USP46: variants seen among roughly 807,000 people sequenced by gnomAD.
The protein encoded by USP46 is ubiquitin specific peptidase 46.
In USP46, 12 loss-of-function variants were observed where a neutral mutation model predicts 44.4. The ratio of observed to expected loss-of-function variants is 0.27; its 90% CI spans 0.17 to 0.44. The LOEUF (loss-of-function observed/expected upper bound fraction) is 0.44, where lower values mean the gene tolerates loss of function less well. Ranked by LOEUF, USP46 falls within the 20% of genes least tolerant of loss-of-function variation. USP46 has a pLI of 1.00. For synonymous variants in USP46, 155 were observed against 161.5 expected, an observed-to-expected ratio of 0.96 and a Z score of 0.31; for missense variants, 248 against 444.8, an observed-to-expected ratio of 0.56 and a Z score of 3.98.
Position 52,632,990 on chromosome 4 carries a change from A to AAAGAAAG in USP46, c.37-1847_37-1846insCTTTCTT. 1.4e-3 allele frequency among the ~76,000 whole-genome samples: 95 copies of AAAGAAAG among 66,174 alleles called. 1 individual carries two copies. Among genetic ancestry groups the AAAGAAAG allele is most frequent in the Middle Eastern group, 8.3e-3 (1 of 120 alleles). 43.4% of individuals were successfully genotyped at this position (66,174 alleles called of 152,430 possible). A position where few individuals can be genotyped will look rare whatever the true frequency, so the allele number is the denominator to read the frequency against. ...AAAGAAAGAAAGAAAGAAAGAAAAG[A>AAAGAAAG]AAAGAAAGAAAGAAAGAAAGAAAGA... On this transcript the variant is annotated intron_variant, in intron 1 of 8. Coordinates refer to ENST00000441222, the MANE Select transcript of USP46 (RefSeq NM_022832.4).
chr4:52,613,651 G>A (rs1045437805), intron 4 of USP46, among the ~76,000 whole-genome samples: 3 of 151,588 alleles, frequency 2.0e-5, no homozygotes, highest in African/African-American at 7.3e-5. Context: ...GAACCCAGGA[G>A]GCGGAGGTTG....
At chr4:52,616,573 A>G (rs548522043) in intron 4 of USP46, among the ~76,000 whole-genome samples, 2 of 152,244 alleles carry the variant, frequency 1.3e-5, no homozygotes, top group Admixed American at 1.3e-4. Flanking sequence ...GGGTTTCACC[A>G]TGTTGGCTAG....
intron 5 of USP46, among the ~76,000 whole-genome samples, chr4:52,606,899 A>G (rs111816532): frequency 6.6e-6 from 1 of 152,340 alleles, no homozygotes; most frequent in African/African-American, 2.4e-5. Flanking sequence ...ACTCATACTT[A>G]GCTGAATGAA....
In USP46 at chr4:52,597,487, A is replaced by G. The variant is rs190500234; in HGVS notation, c.*153T>C. On this transcript the variant is annotated 3_prime_UTR_variant, in exon 9 of 9. Coordinates refer to ENST00000441222, the MANE Select transcript of USP46 (RefSeq NM_022832.4). ...AACCAAGAGTAGTGCTGCATGTAAA[A>G]ACACAAAAGGAGAGAGTCTAACACA... 4.0e-5 allele frequency: 25 copies of G among 617,946 alleles called. No homozygotes were observed. The highest frequency in any genetic ancestry group is 4.0e-4 in the African/African-American group (21 of 52,872). 38.3% of individuals were successfully genotyped at this position (617,946 alleles called of 1,614,324 possible).
In USP46 at chr4:52,610,044, G is replaced by T. The variant is rs1577665158; in HGVS notation, c.638+497C>A. Among the ~76,000 whole-genome samples, 3 of 146,008 alleles carry T rather than the reference G, an allele frequency of 2.1e-5. No individual in the cohort carries two copies. In the East Asian group the frequency reaches 6.1e-4, roughly 30 times the overall value. ...GGGTTCACGCCATTCTCCTGCCTCA[G>T]CCTCCCGTGTAGCTGGGACTACAGG... is the stretch of plus-strand genomic sequence containing the variant. On this transcript the variant is annotated intron_variant, in intron 5 of 8. Transcript: ENST00000441222.
chr4:52,611,402 C>G (rs1716929721), intron 4 of USP46, among the ~76,000 whole-genome samples: 1 of 152,208 alleles, frequency 6.6e-6, no homozygotes, highest in Non-Finnish European at 1.5e-5. Context: ...CACTGACAAC[C>G]CTGGGGTTTT....
At chr4:52,641,200 T>C (rs1160440729) in intron 1 of USP46, among the ~76,000 whole-genome samples, 2 of 152,160 alleles carry the variant, frequency 1.3e-5, no homozygotes, top group African/African-American at 2.4e-5. Flanking sequence ...TATGACCAGA[T>C]GGTGAACAAA....
intron 2 of USP46, chr4:52,628,400 T>C (rs1717680012): frequency 4.3e-6 from 2 of 466,094 alleles, no homozygotes; most frequent in African/African-American, 3.8e-5. Flanking sequence ...CCCATCAAAG[T>C]CTCTAAAATG....
rs1005397358 is a variant in USP46, at chr4:52,604,590, G to A, written c.639-6C>T. 3 of 1,581,810 alleles carry A rather than the reference G, an allele frequency of 1.9e-6. No homozygotes were observed. The highest frequency in any genetic ancestry group is 2.7e-5 in the African/African-American group (2 of 73,160). On this transcript the variant is annotated splice_region_variant and splice_polypyrimidine_tract_variant and intron_variant, in intron 5 of 8. Transcript: ENST00000441222. ...TTTCTGTGTTGCTGAAGTCTCTGTAGAGGAAAATATTTCCATCTTTAAAAA... is the reference window on the plus strand; with the variant it reads ...TTTCTGTGTTGCTGAAGTCTCTGTAAAGGAAAATATTTCCATCTTTAAAAA...
intron 5 of USP46, among the ~76,000 whole-genome samples, chr4:52,606,094 T>C (rs776145827): frequency 1.4e-4 from 22 of 152,248 alleles, no homozygotes; most frequent in Non-Finnish European, 3.1e-4. Flanking sequence ...GGCAGTGCAC[T>C]TGTCATTCCT....
chr4:52,610,688 G>C (rs758692041), intron 4 of USP46, 71 bp from the exon 5 acceptor site: 188 of 1,413,072 alleles, frequency 1.3e-4, no homozygotes, highest in Non-Finnish European at 1.7e-4. Flanking sequence ...ACATGTATAG[G>C]TAATCACCGA....
At position 52,593,357 on chromosome 4, in the gene USP46, G is replaced by A. The variant is rs1716104629; in HGVS notation, c.*4283C>T. On this transcript the variant is annotated 3_prime_UTR_variant, in exon 9 of 9. Transcript: ENST00000441222. Reference sequence around the variant, plus strand: ...GCAGACAGAAGTGACCTTCCCAACAGTCTCTGTTCCAGCTCAGTCAGGTTC... The same window carrying A: ...GCAGACAGAAGTGACCTTCCCAACAATCTCTGTTCCAGCTCAGTCAGGTTC... 6.3e-6 allele frequency: 1 copy of A among 157,816 alleles called. No homozygotes were observed. Among genetic ancestry groups the A allele is most frequent in the Non-Finnish European group, 1.4e-5 (1 of 71,766 alleles). The allele number at this position is 157,816 out of a possible 1,614,324, so 9.8% of individuals were successfully genotyped here.
At chr4:52,601,774 A>G in intron 7 of USP46, 83 bp downstream of exon 7, 3 of 1,432,756 alleles carry the variant, frequency 2.1e-6, no homozygotes. Context: ...GCCACGGCCC[A>G]GGAAAGGTGC....
chr4:52,620,627 T>C (rs1476373649), intron 4 of USP46, among the ~76,000 whole-genome samples: 7 of 152,140 alleles, frequency 4.6e-5, no homozygotes, highest in African/African-American at 1.7e-4. Flanking sequence ...GACATGAGAA[T>C]AGCAGGGACA....
At chr4:52,631,455 C>T (rs778333350) in intron 1 of USP46, among the ~76,000 whole-genome samples, 1 of 152,126 alleles carries the variant, frequency 6.6e-6, no homozygotes, top group Non-Finnish European at 1.5e-5. Flanking sequence ...GAATAAAACA[C>T]GGGCATTTCA....
intron 5 of USP46, among the ~76,000 whole-genome samples, chr4:52,606,077 C>A (rs986017005): frequency 6.6e-6 from 1 of 152,224 alleles, no homozygotes; most frequent in Non-Finnish European, 1.5e-5. Context: ...TGCCTCCCCT[C>A]TATGTGGGCA....
chr4:52,604,627 T>TGAGGGAGGAGCCAAGATGGCCG (rs746089134), intron 5 of USP46, 43 bp from the exon 6 acceptor site: 1 of 1,325,704 alleles, frequency 7.5e-7, no homozygotes. Context: ...TGTCCAAATC[T>TGAGGGAGGAGCCAAGATGGCCG]ACTTGGTATA....
At position 52,601,973 on chromosome 4, in the gene USP46, G is replaced by T; in HGVS notation, c.804C>A (p.Thr268=). 1 of 1,614,002 alleles carries T rather than the reference G, an allele frequency of 6.2e-7. No homozygotes were observed. The highest frequency in any genetic ancestry group is 8.5e-7 in the Non-Finnish European group (1 of 1,179,876). The change falls in exon 7 of 9, where the codon ACC becomes ACA. Residue 268 remains threonine (T), a synonymous_variant. Coordinates refer to ENST00000441222, the MANE Select transcript of USP46 (RefSeq NM_022832.4). ...GGAAGACCACACGGTAAGACAGCTT[G>T]GTGTATCTGTGCAGCTGCTCCATGT... ...FKYMEQLHRY[T]KLSYRVVFPL...
In USP46 at chr4:52,596,712, AG is replaced by A. The variant is rs1405462569; in HGVS notation, c.*927del. The A allele has an allele frequency of 6.6e-6, 1 of 152,600 alleles. No individual in the cohort carries two copies. The highest frequency in any genetic ancestry group is 2.4e-5 in the African/African-American group (1 of 41,444). The allele number at this position is 152,600 out of a possible 1,614,324, so 9.5% of individuals were successfully genotyped here. ...TGTAGTACCTTTGTTATTCCTGATAAGGAACAATGCCGTGCTGACTGGCTAA... is the reference window on the plus strand; with the variant it reads ...TGTAGTACCTTTGTTATTCCTGATAAGAACAATGCCGTGCTGACTGGCTAA... On this transcript the variant is annotated 3_prime_UTR_variant, in exon 9 of 9. Transcript: ENST00000441222.
Sources: allele counts gnomAD v4.1 joint callset (sites outside exome capture counted in the v4.1 genomes callset), GRCh38; gene constraint gnomAD v4.1.1; transcripts MANE v1.5; gene names NCBI Gene and HGNC (gene_info 2026-07-23, HGNC 2026-07-21).